Variants in ADAM12 observed in about 807,000 individuals in gnomAD.
ADAM12 encodes disintegrin and metalloproteinase domain-containing protein 12.
In ADAM12, 70 loss-of-function variants were observed where a neutral mutation model predicts 106.4. That is an observed-to-expected ratio of 0.66 (90% CI 0.54 to 0.80). The LOEUF (loss-of-function observed/expected upper bound fraction) is 0.80. Among genes scored for constraint, ADAM12 ranks in the 30% least tolerant of loss-of-function variants. The pLI, the probability that ADAM12 is intolerant of heterozygous loss-of-function variation, is 0.00. For missense variants in ADAM12, 1,010 were observed against 1,171.9 expected (o/e 0.86, Z 2.02); for synonymous variants, 420 against 433.5 (o/e 0.97, Z 0.39).
At chr10:126,257,335 T>G (rs2133700209) in intron 3 of ADAM12, among the ~76,000 whole-genome samples, 1 of 152,340 alleles carries the variant, frequency 6.6e-6, no homozygotes, top group East Asian at 1.9e-4. Flanking sequence ...TGGTCTTCTG[T>G]TCTGCGATCA....
intron 2 of ADAM12, among the ~76,000 whole-genome samples, chr10:126,327,095 G>GAAT (rs1854330888): frequency 1.4e-5 from 2 of 146,510 alleles, no homozygotes; most frequent in Middle Eastern, 3.7e-3. Flanking sequence ...GGATGAAGAA[G>GAAT]AATGCACATG....
At chr10:126,133,722 C>T (rs1217942428) in intron 5 of ADAM12, among the ~76,000 whole-genome samples, 1 of 152,192 alleles carries the variant, frequency 6.6e-6, no homozygotes, top group African/African-American at 2.4e-5. Flanking sequence ...CACTTCCCTT[C>T]TGACCTCATT....
intron 3 of ADAM12, among the ~76,000 whole-genome samples, chr10:126,211,638 C>T (rs1957902796): frequency 6.6e-6 from 1 of 151,994 alleles, no homozygotes; most frequent in African/African-American, 2.4e-5. Flanking sequence ...CCATGTGAGT[C>T]TGAACCCACT....
intron 3 of ADAM12, among the ~76,000 whole-genome samples, chr10:126,216,874 G>C (rs571024144): frequency 1.1e-4 from 17 of 152,306 alleles, no homozygotes; most frequent in African/African-American, 3.8e-4. Context: ...CCCCCAAAGG[G>C]CTTCTCATCC....
chr10:126,074,717 G>T (rs1485357049), intron 11 of ADAM12, among the ~76,000 whole-genome samples: 1 of 152,144 alleles, frequency 6.6e-6, no homozygotes, highest in Non-Finnish European at 1.5e-5. Context: ...CCAATTCACG[G>T]GTTTTCAACC....
intron 3 of ADAM12, among the ~76,000 whole-genome samples, chr10:126,247,212 C>G (rs1958647444): frequency 6.6e-6 from 1 of 152,130 alleles, no homozygotes; most frequent in Admixed American, 6.5e-5. Flanking sequence ...ACATGAAGGC[C>G]ATTGCTAGAA....
At chr10:126,178,804 T>C (rs1338720113) in intron 3 of ADAM12, among the ~76,000 whole-genome samples, 1 of 152,070 alleles carries the variant, frequency 6.6e-6, no homozygotes, top group Admixed American at 6.6e-5. Flanking sequence ...CCCAGCACTT[T>C]AGGAGGCCGA....
At chr10:126,343,970 T>C (rs971708975) in intron 1 of ADAM12, among the ~76,000 whole-genome samples, 5 of 152,350 alleles carry the variant, frequency 3.3e-5, no homozygotes, top group East Asian at 1.9e-4. Flanking sequence ...ATTATGTAGA[T>C]TGCCTGTTCA....
chr10:126,220,727 T>C lies in ADAM12; in HGVS notation c.260+58188A>G, dbSNP rs368154709. 1.3e-3 allele frequency among the ~76,000 whole-genome samples: 201 copies of C among 152,344 alleles called. 3 individuals carry two copies. In the South Asian group the frequency reaches 0.04, roughly 30 times the overall value. ...TATGAATGCTTTGCTTATAAAATAATTGGCTTTGAAAGTCTTACCCAATGT... is the reference window on the plus strand; with the variant it reads ...TATGAATGCTTTGCTTATAAAATAACTGGCTTTGAAAGTCTTACCCAATGT... On this transcript the variant is annotated intron_variant, in intron 3 of 22. Transcript: ENST00000448723.
At chr10:126,356,602 C>G (rs1282977432) in intron 1 of ADAM12, among the ~76,000 whole-genome samples, 1 of 152,134 alleles carries the variant, frequency 6.6e-6, no homozygotes, top group Non-Finnish European at 1.5e-5. Flanking sequence ...GAAATCATGA[C>G]AACACCAAAA....
intron 6 of ADAM12, 85 bp from the exon 7 acceptor site, chr10:126,109,925 G>C: frequency 7.5e-7 from 1 of 1,334,994 alleles, no homozygotes; most frequent in Non-Finnish European, 1.0e-6. Flanking sequence ...AAACACTTTA[G>C]GTTGAGAATG....
At chr10:126,324,654 A>G (rs1854227283) in intron 2 of ADAM12, among the ~76,000 whole-genome samples, 2 of 152,214 alleles carry the variant, frequency 1.3e-5, no homozygotes, top group South Asian at 4.1e-4. Context: ...CTGGGCCAGT[A>G]GAGTTAAGAA....
At chr10:126,252,345 C>T (rs988640483) in intron 3 of ADAM12, among the ~76,000 whole-genome samples, 6 of 152,062 alleles carry the variant, frequency 3.9e-5, no homozygotes, top group Admixed American at 3.3e-4. Context: ...TGGGAATTGG[C>T]TCATGCAGTT....
intron 3 of ADAM12, among the ~76,000 whole-genome samples, chr10:126,257,908 T>C (rs1958924310): frequency 6.6e-6 from 1 of 152,196 alleles, no homozygotes; most frequent in South Asian, 2.1e-4. Flanking sequence ...CGGTGGTGTC[T>C]TTACAGGCAC....
At chr10:126,339,154 G>A (rs1166838363) in intron 1 of ADAM12, among the ~76,000 whole-genome samples, 1 of 152,000 alleles carries the variant, frequency 6.6e-6, no homozygotes, top group Non-Finnish European at 1.5e-5. Context: ...TACCCTTACT[G>A]TTCCCCAGAG....
At chr10:126,052,698 C>A (rs1477817111) in intron 14 of ADAM12, among the ~76,000 whole-genome samples, 1 of 152,020 alleles carries the variant, frequency 6.6e-6, no homozygotes, top group Non-Finnish European at 1.5e-5. Flanking sequence ...AAGAGACCAA[C>A]CTCAACAGGG....
At chr10:126,271,087 C>T in intron 3 of ADAM12, among the ~76,000 whole-genome samples, 1 of 152,176 alleles carries the variant, frequency 6.6e-6, no homozygotes, top group East Asian at 1.9e-4. Flanking sequence ...AGGTCACCTC[C>T]AGAGTGAATT....
intron 2 of ADAM12, among the ~76,000 whole-genome samples, chr10:126,295,548 T>TACACACACACACATAC (rs1960332736): frequency 6.8e-6 from 1 of 146,532 alleles, no homozygotes; most frequent in African/African-American, 2.5e-5. Flanking sequence ...CACACACACA[T>TACACACACACACATAC]ACACACACAC....
intron 3 of ADAM12, among the ~76,000 whole-genome samples, chr10:126,207,730 A>T (rs1957822358): frequency 6.6e-6 from 1 of 152,246 alleles, no homozygotes; most frequent in South Asian, 2.1e-4. Context: ...TACTAAGAAG[A>T]TTACAGCTGC....
Sources: allele counts gnomAD v4.1 joint callset (sites outside exome capture counted in the v4.1 genomes callset), GRCh38; gene constraint gnomAD v4.1.1; transcripts MANE v1.5; gene names NCBI Gene and HGNC (gene_info 2026-07-23, HGNC 2026-07-21).